Variants in DCN observed in about 807,000 individuals in gnomAD.
DCN encodes the protein bone proteoglycan II.
In DCN, 17 loss-of-function variants were observed where a neutral mutation model predicts 36.5. That is an observed-to-expected ratio of 0.47 (90% CI 0.32 to 0.70). The LOEUF (loss-of-function observed/expected upper bound fraction) is 0.70, where lower values mean the gene tolerates loss of function less well. DCN is among the 30% of genes least tolerant of loss of function. The pLI is 0.04. For missense variants in DCN, 389 were observed against 430.1 expected (o/e 0.90, Z 0.84); for synonymous variants, 163 against 161.4 (o/e 1.01, Z -0.07).
rs899227075 is a variant in DCN at position 91,178,406 on chromosome 12, G to A, written c.147C>T (p.Ser49=). 6.2e-6 allele frequency: 10 copies of A among 1,613,950 alleles called. No homozygotes were observed. The highest frequency in any genetic ancestry group is 8.5e-6 in the Non-Finnish European group (10 of 1,179,986). Residue 49 remains serine, a synonymous_variant, in exon 2 of 8, where the codon TCC becomes TCT. Coordinates refer to ENST00000052754, the MANE Select transcript of DCN (RefSeq NM_001920.5). ...EVPDDRDFEP[S]LGPVCPFRCQ... is the part of the protein sequence containing the mutation. ...AGCGGAAGGGGCACACTGGGCCTAG[G>A]GAGGGCTCGAAGTCGCGGTCATCAG...
intron 2 of DCN, chr12:91,175,721 A>G (rs908605791): frequency 6.6e-6 from 1 of 152,240 alleles, no homozygotes; most frequent in East Asian, 1.9e-4. Context: ...TTTGATACAG[A>G]TAAGCATTAA....
chr12:91,177,656 G>A, intron 2 of DCN: 3 of 701,688 alleles, frequency 4.3e-6, no homozygotes, highest in Non-Finnish European at 7.8e-6. Flanking sequence ...ACTGTCTTTA[G>A]GGTGTTAGGC....
chr12:91,143,819 T>A lies in DCN; in HGVS notation c.*2239A>T, dbSNP rs1307981682. 6.8e-6 allele frequency: 1 copy of A among 148,088 alleles called. No homozygotes were observed. Among genetic ancestry groups the A allele is most frequent in the Non-Finnish European group, 1.5e-5 (1 of 67,250 alleles). 9.2% of individuals were successfully genotyped at this position (148,088 alleles called of 1,614,324 possible). ...ATATATGTATATATGCAAAAAGATA[T>A]ATATATAAATATATATATATAAAGA... On this transcript the variant is annotated 3_prime_UTR_variant, in exon 8 of 8. Transcript: ENST00000052754.
chr12:91,176,335 C>T (rs946055030), intron 2 of DCN: 24 of 151,880 alleles, frequency 1.6e-4, no homozygotes, highest in Middle Eastern at 3.4e-3. Flanking sequence ...GTCAGTAAAC[C>T]TAGCTATAAT....
Position 91,146,207 on chromosome 12 carries a change from C to T in DCN, c.931G>A (p.Asp311Asn). ...GTGTTGTGTCCAGGTGGGCAGAAGT[C>T]ACTTGATCCAACTACAGAGATATTG... ...NNNISVVGSS[D>N]FCPPGHNTKK... Residue 311 changes from aspartate to asparagine, a missense_variant, in exon 8 of 8, where the codon GAC becomes AAC. Transcript: ENST00000052754. 6.2e-7 allele frequency: 1 copy of T among 1,613,198 alleles called. No homozygotes were observed. The highest frequency in any genetic ancestry group is 8.5e-7 in the Non-Finnish European group (1 of 1,179,398).
intron 3 of DCN, among the ~76,000 whole-genome samples, chr12:91,162,574 G>A (rs1281058841): frequency 2.0e-5 from 3 of 151,996 alleles, no homozygotes; most frequent in Non-Finnish European, 4.4e-5. Flanking sequence ...GAATAAATAA[G>A]TAGATATGAA....
intron 7 of DCN, among the ~76,000 whole-genome samples, chr12:91,149,259 A>ATTTAT (rs2121155656): frequency 6.6e-6 from 1 of 152,352 alleles, no homozygotes; most frequent in South Asian, 2.1e-4. Flanking sequence ...ACCAAACATG[A>ATTTAT]TTTATCTCAG....
Position 91,151,741 on chromosome 12 carries a change from G to C in DCN, c.798C>G (p.Ala266=). 2.5e-6 allele frequency: 4 copies of C among 1,614,022 alleles called. No individual in the cohort carries two copies. The highest frequency in any genetic ancestry group is 8.5e-7 in the Non-Finnish European group (1 of 1,179,936). The stretch of plus-strand genomic sequence containing the variant: ...GAAGCTCCCTCAGATGAGGCGTGTT[G>C]GCCAGAGAGCCATTGTCAACAGCAG... ...SISAVDNGSL[A]NTPHLRELHL... is the part of the protein sequence containing the mutation. Residue 266 remains alanine (A), a synonymous_variant, in exon 7 of 8, where the codon GCC becomes GCG. Transcript: ENST00000052754.
chr12:91,181,532 T>C (rs1307617903), intron 1 of DCN, among the ~76,000 whole-genome samples: 1 of 152,116 alleles, frequency 6.6e-6, no homozygotes, highest in African/African-American at 2.4e-5. Flanking sequence ...ATGTCCAAGA[T>C]GCTAATTACT....
intron 3 of DCN, 52 bp from the exon 4 acceptor site, chr12:91,158,561 A>G (rs1346219901): frequency 1.1e-6 from 1 of 942,142 alleles, no homozygotes; most frequent in South Asian, 1.3e-5. Flanking sequence ...TTCCACATAC[A>G]TGTAAAACAA....
intron 1 of DCN, among the ~76,000 whole-genome samples, chr12:91,181,626 C>T (rs1053374960): frequency 3.3e-5 from 5 of 151,982 alleles, no homozygotes; most frequent in African/African-American, 1.2e-4. Flanking sequence ...GTTCCTAAAA[C>T]TAGTTAAGCC....
chr12:91,172,343 T>G (rs1379219242), intron 2 of DCN: 1 of 154,058 alleles, frequency 6.5e-6, no homozygotes, highest in African/African-American at 2.4e-5. Flanking sequence ...CAATTTTTTT[T>G]TATAATTCTG....
chr12:91,155,923 A>G (rs1881740248), intron 5 of DCN, among the ~76,000 whole-genome samples: 1 of 152,134 alleles, frequency 6.6e-6, no homozygotes, highest in Non-Finnish European at 1.5e-5. Flanking sequence ...AGGAGTTGAA[A>G]TTTCTGTAAA....
chr12:91,143,044 T>TAGA lies in DCN; in HGVS notation c.*3011_*3013dup, dbSNP rs777606797. The TAGA allele has an allele frequency of 6.6e-5, 10 of 152,074 alleles. No individual in the cohort carries two copies. Among genetic ancestry groups the TAGA allele is most frequent in the Non-Finnish European group, 1.3e-4 (9 of 68,010 alleles). 9.4% of individuals were successfully genotyped at this position (152,074 alleles called of 1,614,324 possible). ...CTTAATCCAATATAACTCATGTTCA[T>TAGA]AGAAGAAGAAGAGAAAAGACACAAA... On this transcript the variant is annotated 3_prime_UTR_variant, in exon 8 of 8. Transcript: ENST00000052754.
chr12:91,142,779 T>C lies in DCN; in HGVS notation c.*3279A>G, dbSNP rs1880791891. 2.0e-5 allele frequency: 3 copies of C among 152,192 alleles called. No individual in the cohort carries two copies. Among genetic ancestry groups the C allele is most frequent in the African/African-American group, 7.2e-5 (3 of 41,452 alleles). The allele number at this position is 152,192 out of a possible 1,614,324, so 9.4% of individuals were successfully genotyped here. ...ACCAGGAGGGGTCAGAGACAAATTTTTAAGTTTCCAACCTTTTATGTGAAG... is the reference window on the plus strand; with the variant it reads ...ACCAGGAGGGGTCAGAGACAAATTTCTAAGTTTCCAACCTTTTATGTGAAG... On this transcript the variant is annotated 3_prime_UTR_variant, in exon 8 of 8. Transcript: ENST00000052754.
chr12:91,148,721 C>CAAAAAA lies in DCN; in HGVS notation c.886-2475_886-2470dup, dbSNP rs5799978. Among the ~76,000 whole-genome samples the CAAAAAA allele has an allele frequency of 3.4e-3, 168 of 49,474 alleles. 18 individuals carry two copies. The highest frequency in any genetic ancestry group is 8.9e-3 in the African/African-American group (135 of 15,224). The allele number at this position is 49,474 out of a possible 152,430, so 32.5% of individuals were successfully genotyped here. A position where few individuals can be genotyped will look rare whatever the true frequency, so the allele number is the denominator to read the frequency against. ...GGTGACAGAGCGAGACGCTCCGACT[C>CAAAAAA]AAAAAAAAAAAAAAAAAAAAAAAAA... On this transcript the variant is annotated intron_variant, in intron 7 of 7. Transcript: ENST00000052754.
In DCN at chr12:91,178,380, C is replaced by T; in HGVS notation, c.173G>A (p.Cys58Tyr). ...PSLGPVCPFR[C>Y]QCHLRVVQCS... ...CTGGACCACTCGAAGATGGCATTGA[C>T]AGCGGAAGGGGCACACTGGGCCTAG... is the stretch of plus-strand genomic sequence containing the variant. The change falls in exon 2 of 8, where the codon TGT (cysteine) becomes TAT (tyrosine). Residue 58 changes from cysteine to tyrosine, a missense_variant. By Grantham distance (194) the Cys-to-Tyr change is radical (BLOSUM62 -2). Transcript: ENST00000052754. 1 of 1,613,974 alleles carries T rather than the reference C, an allele frequency of 6.2e-7. No individual in the cohort carries two copies. The highest frequency in any genetic ancestry group is 8.5e-7 in the Non-Finnish European group (1 of 1,179,978).
chr12:91,167,832 T>C (rs1272009204), intron 2 of DCN, among the ~76,000 whole-genome samples: 1 of 152,044 alleles, frequency 6.6e-6, no homozygotes, highest in Non-Finnish European at 1.5e-5. Flanking sequence ...TTTTTTGTTT[T>C]TGTTTTTGTT....
At chr12:91,167,166 T>C (rs1442109404) in intron 2 of DCN, among the ~76,000 whole-genome samples, 2 of 152,150 alleles carry the variant, frequency 1.3e-5, no homozygotes, top group Non-Finnish European at 2.9e-5. Flanking sequence ...AAATAATTGT[T>C]CTGACATCAG....
Sources: allele counts gnomAD v4.1 joint callset (sites outside exome capture counted in the v4.1 genomes callset), GRCh38; gene constraint gnomAD v4.1.1; transcripts MANE v1.5; gene names NCBI Gene and HGNC (gene_info 2026-07-23, HGNC 2026-07-21).